Variants in DGKI observed in about 807,000 individuals in gnomAD.
DGKI encodes the protein diacylglycerol kinase iota.
Under a neutral mutation model 147.5 loss-of-function variants are expected in DGKI, and 55 were observed. That is an observed-to-expected ratio of 0.37 (90% CI 0.30 to 0.47). DGKI has a LOEUF of 0.47. DGKI is among the 20% of genes least tolerant of loss of function. DGKI has a pLI of 1.00. For synonymous variants in DGKI, 469 were observed against 477.1 expected (o/e 0.98, Z 0.22); for missense variants, 1,007 against 1,323.8 (o/e 0.76, Z 3.71).
chr7:137,522,337 G>T (rs1453744643), intron 20 of DGKI, among the ~76,000 whole-genome samples: 3 of 152,148 alleles, frequency 2.0e-5, no homozygotes, highest in Non-Finnish European at 4.4e-5. Context: ...ACCACAGGCA[G>T]ATATGCACAT....
At chr7:137,706,170 G>A (rs1486805315) in intron 1 of DGKI, among the ~76,000 whole-genome samples, 1 of 151,392 alleles carries the variant, frequency 6.6e-6, no homozygotes, top group Non-Finnish European at 1.5e-5. Context: ...AAAGATCCTG[G>A]CTACTATATT....
At chr7:137,695,069 A>G (rs1415839632) in intron 1 of DGKI, among the ~76,000 whole-genome samples, 2 of 152,198 alleles carry the variant, frequency 1.3e-5, no homozygotes, top group Admixed American at 1.3e-4. Context: ...TTGGTATTGA[A>G]TCTTCAACAT....
At chr7:137,653,152 G>A (rs573991584) in intron 5 of DGKI, among the ~76,000 whole-genome samples, 56 of 152,310 alleles carry the variant, frequency 3.7e-4, no homozygotes, top group East Asian at 1.9e-3. Context: ...GTGCGCGCGC[G>A]TGCGCGCACT....
At chr7:137,432,418 A>G (rs1455963714) in intron 28 of DGKI, among the ~76,000 whole-genome samples, 4 of 152,138 alleles carry the variant, frequency 2.6e-5, no homozygotes, top group Non-Finnish European at 1.5e-5. Context: ...CTATATGCCC[A>G]TTTTTTGGCT....
At chr7:137,739,725 G>T (rs945322529) in intron 1 of DGKI, among the ~76,000 whole-genome samples, 1 of 152,138 alleles carries the variant, frequency 6.6e-6, no homozygotes, top group African/African-American at 2.4e-5. Context: ...GTGTACACTA[G>T]ATCCTCCCAG....
chr7:137,818,670 G>A (rs1797808624), intron 1 of DGKI, among the ~76,000 whole-genome samples: 1 of 152,038 alleles, frequency 6.6e-6, no homozygotes, highest in African/African-American at 2.4e-5. Flanking sequence ...TTGAACTCCA[G>A]ACCTCAGGTG....
intron 20 of DGKI, among the ~76,000 whole-genome samples, chr7:137,540,406 T>C (rs552313530): frequency 6.6e-6 from 1 of 152,292 alleles, no homozygotes; most frequent in South Asian, 2.1e-4. Flanking sequence ...AAAAGTATCC[T>C]TATTCACAGA....
At chr7:137,695,490 A>G (rs1823750693) in intron 1 of DGKI, among the ~76,000 whole-genome samples, 2 of 152,192 alleles carry the variant, frequency 1.3e-5, no homozygotes, top group South Asian at 4.1e-4. Context: ...CCTCACAATA[A>G]TAAGGTATGA....
chr7:137,576,139 A>G (rs1010086813), intron 17 of DGKI, among the ~76,000 whole-genome samples: 6 of 150,872 alleles, frequency 4.0e-5, no homozygotes, highest in Non-Finnish European at 8.8e-5. Context: ...CCCAGGTTCA[A>G]GCAATCTCCT....
At chr7:137,403,824 G>A (rs1176801151) in intron 30 of DGKI, among the ~76,000 whole-genome samples, 6 of 151,832 alleles carry the variant, frequency 4.0e-5, no homozygotes, top group African/African-American at 1.2e-4. Context: ...CTTGATCTTC[G>A]GCATAGTGTA....
intron 1 of DGKI, among the ~76,000 whole-genome samples, chr7:137,780,939 A>T (rs915593676): frequency 6.6e-6 from 1 of 152,182 alleles, no homozygotes; most frequent in African/African-American, 2.4e-5. Context: ...GTCAAGAAAG[A>T]GGGACTTTAA....
At chr7:137,641,775 C>A (rs1489456563) in intron 6 of DGKI, among the ~76,000 whole-genome samples, 1 of 152,128 alleles carries the variant, frequency 6.6e-6, no homozygotes, top group African/African-American at 2.4e-5. Flanking sequence ...TTTTGATTTT[C>A]AAAAAGTTAG....
intron 21 of DGKI, among the ~76,000 whole-genome samples, chr7:137,517,287 G>GAAAGAAAGAAAGAAAGAAAAGAA (rs1816792023): frequency 2.6e-5 from 2 of 78,146 alleles, no homozygotes; most frequent in African/African-American, 5.3e-5. Flanking sequence ...GAAAAAGAAA[G>GAAAGAAAGAAAGAAAGAAAAGAA]AAAGAAAGAA....
At chr7:137,444,940 T>C (rs2128917855) in intron 27 of DGKI, among the ~76,000 whole-genome samples, 1 of 152,274 alleles carries the variant, frequency 6.6e-6, no homozygotes, top group East Asian at 1.9e-4. Flanking sequence ...TCAGAGTTGT[T>C]GAAATTTCGA....
At chr7:137,475,643 C>T (rs965021459) in intron 23 of DGKI, among the ~76,000 whole-genome samples, 5 of 152,206 alleles carry the variant, frequency 3.3e-5, no homozygotes, top group African/African-American at 4.8e-5. Context: ...AGGCATGTGA[C>T]GGAAGGTCAC....
intron 28 of DGKI, among the ~76,000 whole-genome samples, chr7:137,424,631 T>C (rs1470966137): frequency 6.6e-6 from 1 of 152,150 alleles, no homozygotes; most frequent in Non-Finnish European, 1.5e-5. Flanking sequence ...TTCCCTTTGC[T>C]AGTCAGAGAA....
At chr7:137,656,905 A>C (rs2116259725) in intron 3 of DGKI, among the ~76,000 whole-genome samples, 1 of 152,308 alleles carries the variant, frequency 6.6e-6, no homozygotes, top group African/African-American at 2.4e-5. Flanking sequence ...CCATTTTAAA[A>C]TATTTTCTAC....
chr7:137,645,661 T>C (rs1450323489), intron 5 of DGKI, 124 bp from the exon 6 acceptor site: 1 of 803,432 alleles, frequency 1.2e-6, no homozygotes, highest in Non-Finnish European at 1.9e-6. Flanking sequence ...CGAACTCCTC[T>C]GCTCAAGCAA....
intron 27 of DGKI, among the ~76,000 whole-genome samples, chr7:137,453,479 C>T (rs540727028): frequency 1.3e-5 from 2 of 152,256 alleles, no homozygotes. Flanking sequence ...TGCTTTTGGT[C>T]CTTCTAATTG....
Sources: gnomAD v4.1 joint callset for allele counts (sites outside exome capture counted in the v4.1 genomes callset) on GRCh38, gnomAD v4.1.1 for gene constraint, MANE v1.5 for transcripts, NCBI Gene and HGNC (gene_info 2026-07-23, HGNC 2026-07-21) for gene names.